BCAS3: variants seen among roughly 807,000 people sequenced by gnomAD.
BCAS3 encodes the protein BCAS4/BCAS3 fusion.
A neutral mutation model predicts 116.1 loss-of-function variants in BCAS3; 53 were observed. The observed-to-expected ratio is 0.46, with a 90% CI of 0.37 to 0.57. The LOEUF (loss-of-function observed/expected upper bound fraction) is 0.57, where lower values mean the gene tolerates loss of function less well. BCAS3 is among the 20% of genes least tolerant of loss of function. BCAS3 has a pLI of 0.00. For missense variants in BCAS3, 917 were observed against 1,165.4 expected, an observed-to-expected ratio of 0.79 and a Z score of 3.10; for synonymous variants, 391 against 408.2, an observed-to-expected ratio of 0.96 and a Z score of 0.51.
rs1474660381 is a variant in BCAS3, at chr17:61,332,639, A to G, written c.2426-35688A>G. 6.6e-6 allele frequency among the ~76,000 whole-genome samples: 1 copy of G among 152,066 alleles called. No individual in the cohort carries two copies. The highest frequency in any genetic ancestry group is 1.5e-5 in the Non-Finnish European group (1 of 68,028). On this transcript the variant is annotated intron_variant, in intron 22 of 23. Transcript: ENST00000407086. This position sits in a 1 kb window ranked among gnomAD's most constrained non-coding sequence, Gnocchi z 5.4. ...ATTATTTTTTTTTATTTTTTGAGATAGAGTCTTGCTCTGTCACCCAGGCTG... is the reference window on the plus strand; with the variant it reads ...ATTATTTTTTTTTATTTTTTGAGATGGAGTCTTGCTCTGTCACCCAGGCTG...
At position 61,221,152 on chromosome 17, in the gene BCAS3, G is replaced by A. The variant is rs117201784; in HGVS notation, c.2425+136588G>A. ...TAGAATCCCAGTGTTACAAAGTGTC[G>A]GTGCAGATATCAGCTGCTATAATTG... On this transcript the variant is annotated intron_variant, in intron 22 of 23. Coordinates refer to ENST00000407086, the MANE Select transcript of BCAS3 (RefSeq NM_017679.5). Among the ~76,000 whole-genome samples, 326 of 152,282 alleles carry A rather than the reference G, an allele frequency of 2.1e-3. 3 individuals are homozygous for A. Among genetic ancestry groups the A allele is most frequent in the East Asian group, 0.021 (107 of 5,180 alleles).
intron 22 of BCAS3, among the ~76,000 whole-genome samples, chr17:61,274,676 T>C (rs377124169): frequency 6.6e-6 from 1 of 152,102 alleles, no homozygotes; most frequent in Non-Finnish European, 1.5e-5. Context: ...AGCTTTCTCC[T>C]AAGATCAGGA....
intron 6 of BCAS3, among the ~76,000 whole-genome samples, chr17:60,798,674 C>T (rs759625256): frequency 2.0e-5 from 3 of 152,158 alleles, no homozygotes; most frequent in South Asian, 2.1e-4. Context: ...TGCGGACAAA[C>T]GTCTTCAGTT....
In BCAS3 at chr17:61,364,228, C is replaced by T. The variant is rs1293447267; in HGVS notation, c.2426-4099C>T. Among the ~76,000 whole-genome samples the T allele has an allele frequency of 2.0e-5, 3 of 152,164 alleles. No homozygotes were observed. The highest frequency in any genetic ancestry group is 4.8e-5 in the African/African-American group (2 of 41,428). On this transcript the variant is annotated intron_variant, in intron 22 of 23. Transcript: ENST00000407086. This position sits in a 1 kb window ranked among gnomAD's most constrained non-coding sequence, Gnocchi z 5.4. Reference sequence around the variant, plus strand: ...CCTCAACTTCCTAGCTGTGCGCATGCGAAGAGAGAACAGACCCACTATCAA... The same window carrying T: ...CCTCAACTTCCTAGCTGTGCGCATGTGAAGAGAGAACAGACCCACTATCAA...
At chr17:60,764,580 T>C (rs2043893273) in intron 6 of BCAS3, among the ~76,000 whole-genome samples, 7 of 152,196 alleles carry the variant, frequency 4.6e-5, no homozygotes, top group Admixed American at 4.6e-4. Context: ...GTGATTTCTG[T>C]TCTTCTATAT....
chr17:61,268,053 CACAG>C (rs1254181056), intron 22 of BCAS3, among the ~76,000 whole-genome samples: 3 of 152,056 alleles, frequency 2.0e-5, no homozygotes, highest in Admixed American at 6.5e-5. Context: ...TCACTCAGGC[CACAG>C]ACAGACTGTC....
intron 9 of BCAS3, chr17:60,886,988 C>T (rs897998618): frequency 4.5e-4 from 71 of 156,256 alleles, no homozygotes; most frequent in South Asian, 2.9e-3. Flanking sequence ...TGGAGCTTCC[C>T]GGCTGCTTTG....
intron 11 of BCAS3, 85 bp downstream of exon 11, chr17:60,902,788 A>G (rs764353116): frequency 3.6e-6 from 4 of 1,112,834 alleles, no homozygotes; most frequent in Non-Finnish European, 4.1e-6. Flanking sequence ...TTCTATTGTA[A>G]TGATTGTAGT....
At chr17:60,855,615 C>T (rs184388401) in intron 7 of BCAS3, among the ~76,000 whole-genome samples, 62 of 151,838 alleles carry the variant, frequency 4.1e-4, no homozygotes, top group Admixed American at 3.5e-3. Flanking sequence ...CCACCACGCC[C>T]GGCCACTATT....
At chr17:61,010,778 G>T (rs2065057991) in intron 15 of BCAS3, among the ~76,000 whole-genome samples, 1 of 151,946 alleles carries the variant, frequency 6.6e-6, no homozygotes, top group South Asian at 2.1e-4. Flanking sequence ...TCCCCCAAGA[G>T]AACTCCATCT....
chr17:61,295,647 G>C (rs1282039495), intron 22 of BCAS3, among the ~76,000 whole-genome samples: 1 of 152,074 alleles, frequency 6.6e-6, no homozygotes, highest in Admixed American at 6.5e-5. Context: ...GTCCATGGTT[G>C]CCGTTTGAAA....
intron 14 of BCAS3, among the ~76,000 whole-genome samples, chr17:60,954,135 T>G (rs1349978698): frequency 6.6e-6 from 1 of 152,192 alleles, no homozygotes; most frequent in African/African-American, 2.4e-5. Context: ...TCCCCATTGC[T>G]TGTTTTTGTC....
intron 8 of BCAS3, among the ~76,000 whole-genome samples, chr17:60,870,738 G>A (rs897662737): frequency 3.9e-5 from 6 of 152,230 alleles, no homozygotes; most frequent in African/African-American, 1.2e-4. Context: ...GACTTATAAA[G>A]GTTCCGCTGC....
rs530585939 is a variant in BCAS3 at position 60,993,793 on chromosome 17, C to T, written c.1486+3558C>T. Among the ~76,000 whole-genome samples, 60 of 152,246 alleles carry T rather than the reference C, an allele frequency of 3.9e-4. No individual in the cohort carries two copies. The South Asian group carries it at 0.012, about 32-fold the overall frequency. ...GCTCTTTTTAGCCAAGTAAAGGAAA[C>T]TGTTAAATAACAGTTGATATAGGGG... On this transcript the variant is annotated intron_variant, in intron 15 of 23. Transcript: ENST00000407086. This position sits in a 1 kb window ranked among gnomAD's most constrained non-coding sequence, Gnocchi z 4.2.
rs1474224962 is a variant in BCAS3 at position 61,140,419 on chromosome 17, C to T, written c.2425+55855C>T. ...CTGGTGGGAGATGTGGAACAGGGGA[C>T]AAGAGATGGAAGGTTTTGAGTTGGG... is the stretch of plus-strand genomic sequence containing the variant. On this transcript the variant is annotated intron_variant, in intron 22 of 23. Transcript: ENST00000407086. This position sits in a 1 kb window ranked among gnomAD's most constrained non-coding sequence, Gnocchi z 4.2. 6.6e-6 allele frequency among the ~76,000 whole-genome samples: 1 copy of T among 152,124 alleles called. No individual in the cohort carries two copies. Among genetic ancestry groups the T allele is most frequent in the Non-Finnish European group, 1.5e-5 (1 of 68,022 alleles).
At chr17:60,780,483 A>C (rs7214801) in intron 6 of BCAS3, among the ~76,000 whole-genome samples, 35,131 of 151,528 alleles carry the variant, frequency 0.23, 7,236 homozygotes, top group African/African-American at 0.56. Flanking sequence ...ATCTATTTTT[A>C]ATAGAGACGG....
At position 61,144,880 on chromosome 17, in the gene BCAS3, G is replaced by A. The variant is rs141204937; in HGVS notation, c.2425+60316G>A. 7.9e-4 allele frequency among the ~76,000 whole-genome samples: 120 copies of A among 152,308 alleles called. No homozygotes were observed. Among genetic ancestry groups the A allele is most frequent in the African/African-American group, 2.7e-3 (112 of 41,558 alleles). ...AGATTCGCAGATTAAGATCATTATAGCATTTGAGTAGGCCCTCAGTGACAA... is the reference window on the plus strand; with the variant it reads ...AGATTCGCAGATTAAGATCATTATAACATTTGAGTAGGCCCTCAGTGACAA... On this transcript the variant is annotated intron_variant, in intron 22 of 23. Transcript: ENST00000407086. The surrounding 1 kb of genome is among the most constrained non-coding windows in gnomAD (Gnocchi z 5.0).
At chr17:61,280,175 C>A (rs2051120334) in intron 22 of BCAS3, among the ~76,000 whole-genome samples, 2 of 152,180 alleles carry the variant, frequency 1.3e-5, no homozygotes. Flanking sequence ...GCCAAAGTTA[C>A]CCACCAAGTT....
chr17:60,801,646 G>A (rs2047789125), intron 6 of BCAS3, among the ~76,000 whole-genome samples: 1 of 152,074 alleles, frequency 6.6e-6, no homozygotes, highest in African/African-American at 2.4e-5. Flanking sequence ...CTAATACCTG[G>A]AGCAACCACT....
Sources: allele counts gnomAD v4.1 joint callset (sites outside exome capture counted in the v4.1 genomes callset), GRCh38; gene constraint gnomAD v4.1.1; non-coding constraint Gnocchi (gnomAD v3.1); transcripts MANE v1.5; gene names NCBI Gene and HGNC (gene_info 2026-07-23, HGNC 2026-07-21).